The following APP variants were observed in gnomAD, a reference collection of about 807,000 sequenced individuals.
APP encodes the protein amyloid-beta precursor protein.
Under a neutral mutation model 101.4 loss-of-function variants are expected in APP, and 31 were observed. The ratio of observed to expected loss-of-function variants is 0.31; its 90% CI spans 0.23 to 0.41. The LOEUF is 0.41. Among genes scored for constraint, APP ranks in the 10% least tolerant of loss-of-function variants. The probability of loss-of-function intolerance (pLI) is 1.00; values close to 1 mark genes in which losing one functional copy is unlikely to be tolerated. For synonymous variants in APP, 366 were observed against 364.4 expected, an observed-to-expected ratio of 1.00 and a Z score of -0.05; for missense variants, 839 against 1,003.7, an observed-to-expected ratio of 0.84 and a Z score of 2.22.
At chr21:26,064,369 ATCCTC>A (rs1317428802) in intron 3 of APP, among the ~76,000 whole-genome samples, 2 of 152,218 alleles carry the variant, frequency 1.3e-5, no homozygotes, top group Non-Finnish European at 2.9e-5. Context: ...TCTCTGGACT[ATCCTC>A]TCAATTTTCC....
chr21:26,098,742 T>C (rs1418711110), intron 2 of APP, among the ~76,000 whole-genome samples: 1 of 152,268 alleles, frequency 6.6e-6, no homozygotes, highest in Non-Finnish European at 1.5e-5. Flanking sequence ...CATTCAATTT[T>C]TAAAATTCAC....
chr21:25,881,685 C>T lies in APP; in HGVS notation c.2298G>A (p.Glu766=), dbSNP rs770299479. Residue 766 remains glutamate, a synonymous_variant, in exon 18 of 18, where the codon GAG becomes GAA. Coordinates refer to ENST00000346798, the MANE Select transcript of APP (RefSeq NM_000484.4). ...TGGCGGGGGTCTAGTTCTGCATCTG[C>T]TCAAAGAACTTGTAGGTTGGATTTT... ...GYENPTYKFF[E]QMQN 9 of 1,613,808 alleles carry T rather than the reference C, an allele frequency of 5.6e-6. No individual in the cohort carries two copies. The Admixed American group carries it at 1.3e-4, about 24-fold the overall frequency.
At chr21:25,895,578 A>C (rs192444935) in intron 16 of APP, among the ~76,000 whole-genome samples, 4 of 152,184 alleles carry the variant, frequency 2.6e-5, no homozygotes, top group African/African-American at 9.7e-5. Flanking sequence ...CTCCCTAAAA[A>C]ATTCTTTCAA....
rs199591984 is a variant in APP at position 26,053,248 on chromosome 21, G to A, written c.456C>T (p.Thr152=). 22 of 1,612,036 alleles carry A rather than the reference G, an allele frequency of 1.4e-5. No individual in the cohort carries two copies. Among genetic ancestry groups the A allele is most frequent in the East Asian group, 4.5e-5 (2 of 44,884 alleles). ...TATGGGCTGGTACCTCTTTGGCGACGGTGTGCCAGTGAAGATGAGTTTCGC... is the reference window on the plus strand; with the variant it reads ...TATGGGCTGGTACCTCTTTGGCGACAGTGTGCCAGTGAAGATGAGTTTCGC... ...DVCETHLHWH[T]VAKETCSEKS... is the part of the protein sequence containing the mutation. Residue 152 remains threonine, a synonymous_variant, in exon 4 of 18, where the codon ACC becomes ACT. Transcript: ENST00000346798.
intron 17 of APP, among the ~76,000 whole-genome samples, chr21:25,884,315 G>A (rs2037184288): frequency 6.6e-6 from 1 of 152,110 alleles, no homozygotes. Flanking sequence ...ACAGACCTAG[G>A]CATCTCCCCT....
At chr21:25,890,722 C>CAAAAAAA (rs10686276) in intron 17 of APP, among the ~76,000 whole-genome samples, 5 of 114,664 alleles carry the variant, frequency 4.4e-5, no homozygotes, top group Non-Finnish European at 6.9e-5. Context: ...GAGACTGTCT[C>CAAAAAAA]AAAAAAAAAA....
intron 1 of APP, among the ~76,000 whole-genome samples, chr21:26,164,874 T>C (rs958288847): frequency 6.9e-6 from 1 of 145,770 alleles, no homozygotes; most frequent in Non-Finnish European, 1.5e-5. Context: ...AAAAAAAAGG[T>C]CTACATCCAT....
chr21:26,101,630 G>A (rs955168337), intron 2 of APP, among the ~76,000 whole-genome samples: 5 of 152,066 alleles, frequency 3.3e-5, no homozygotes, highest in Non-Finnish European at 7.4e-5. Context: ...CATGAATGAG[G>A]GGATGGACAG....
At chr21:25,988,513 C>T (rs913270823) in intron 8 of APP, among the ~76,000 whole-genome samples, 1 of 151,758 alleles carries the variant, frequency 6.6e-6, no homozygotes, top group Non-Finnish European at 1.5e-5. Flanking sequence ...ACCAGCCTGA[C>T]CAACATGGAG....
At chr21:26,101,482 T>C (rs1363970307) in intron 2 of APP, among the ~76,000 whole-genome samples, 1 of 152,190 alleles carries the variant, frequency 6.6e-6, no homozygotes, top group Non-Finnish European at 1.5e-5. Context: ...CTTACAACAC[T>C]TGCCTGTGTG....
chr21:26,007,506 A>G (rs2043590041), intron 6 of APP, among the ~76,000 whole-genome samples: 1 of 148,690 alleles, frequency 6.7e-6, no homozygotes, highest in Non-Finnish European at 1.5e-5. Context: ...ATTTATATAC[A>G]TTTTATATAA....
intron 6 of APP, among the ~76,000 whole-genome samples, chr21:26,001,275 T>C (rs2043282686): frequency 6.6e-6 from 1 of 152,174 alleles, no homozygotes; most frequent in Non-Finnish European, 1.5e-5. Flanking sequence ...TCCAATTGCA[T>C]GTATAAAGTC....
At chr21:26,047,819 T>C (rs1313884595) in intron 5 of APP, among the ~76,000 whole-genome samples, 1 of 152,206 alleles carries the variant, frequency 6.6e-6, no homozygotes, top group Non-Finnish European at 1.5e-5. Flanking sequence ...GTGTGGCTAG[T>C]ATGAATTGAG....
intron 3 of APP, among the ~76,000 whole-genome samples, chr21:26,083,451 A>T (rs2061637611): frequency 6.6e-6 from 1 of 152,228 alleles, no homozygotes; most frequent in African/African-American, 2.4e-5. Flanking sequence ...AAATAACACT[A>T]AAAACAAAAG....
At chr21:26,090,691 G>C (rs1400783599) in intron 2 of APP, among the ~76,000 whole-genome samples, 1 of 152,170 alleles carries the variant, frequency 6.6e-6, no homozygotes, top group Non-Finnish European at 1.5e-5. Flanking sequence ...AAACGTTACA[G>C]TAGATATGGC....
intron 1 of APP, among the ~76,000 whole-genome samples, chr21:26,128,553 T>C (rs1415297069): frequency 6.6e-6 from 1 of 152,236 alleles, no homozygotes; most frequent in Non-Finnish European, 1.5e-5. Context: ...CAGTGAGGTT[T>C]AAGACATTCG....
chr21:26,021,152 A>G (rs879422769), intron 6 of APP, among the ~76,000 whole-genome samples: 6 of 150,724 alleles, frequency 4.0e-5, no homozygotes, highest in Non-Finnish European at 8.8e-5. Context: ...GGTTCAAGCA[A>G]TTCTCCTGTC....
chr21:26,003,338 GA>G (rs778850246), intron 6 of APP, among the ~76,000 whole-genome samples: 1 of 152,248 alleles, frequency 6.6e-6, no homozygotes, highest in African/African-American at 2.4e-5. Context: ...TAAAGGCCAA[GA>G]AAAGAGTGAG....
At chr21:26,123,378 A>G (rs1173937445) in intron 1 of APP, among the ~76,000 whole-genome samples, 2 of 152,234 alleles carry the variant, frequency 1.3e-5, no homozygotes, top group Admixed American at 6.5e-5. Context: ...TTCAAACAGC[A>G]TTCTTGTTCA....
Sources: allele counts gnomAD v4.1 joint callset (sites outside exome capture counted in the v4.1 genomes callset), GRCh38; gene constraint gnomAD v4.1.1; transcripts MANE v1.5; gene names NCBI Gene and HGNC (gene_info 2026-07-23, HGNC 2026-07-21).